Variants in FAM47E observed in about 807,000 individuals in gnomAD.
FAM47E encodes the protein family with sequence similarity 47 member E, also known as protein FAM47E.
In FAM47E, 32 loss-of-function variants were observed where a neutral mutation model predicts 41.6. The observed-to-expected ratio is 0.77, with a 90% CI of 0.58 to 1.03. The LOEUF (loss-of-function observed/expected upper bound fraction) is 1.03, where lower values mean the gene tolerates loss of function less well. Among genes scored for constraint, FAM47E ranks in the 50% least tolerant of loss-of-function variants. The pLI is 0.00. For missense variants in FAM47E, 424 were observed against 485.4 expected (o/e 0.87, Z 1.19); for synonymous variants, 184 against 188.7 (o/e 0.98, Z 0.20).
chr4:76,225,455 T>C (rs1237866624), intron 2 of FAM47E, among the ~76,000 whole-genome samples: 1 of 152,196 alleles, frequency 6.6e-6, no homozygotes, highest in African/African-American at 2.4e-5. Context: ...TGGGCATCCT[T>C]GTCTTGTTCC....
intron 1 of FAM47E, 140 bp from the exon 2 acceptor site, chr4:76,256,038 T>A: frequency 1.1e-6 from 1 of 904,082 alleles, no homozygotes; most frequent in South Asian, 1.8e-5. Flanking sequence ...GCTTCTCCAG[T>A]GAATCCCACT....
upstream of FAM47E, among the ~76,000 whole-genome samples, chr4:76,248,926 C>A (rs1244816914): frequency 6.6e-6 from 1 of 152,072 alleles, no homozygotes; most frequent in African/African-American, 2.4e-5. Context: ...GCCAGGTAAG[C>A]TGGCCATTTC....
intron 2 of FAM47E, among the ~76,000 whole-genome samples, chr4:76,227,556 T>C (rs1733419237): frequency 6.6e-6 from 1 of 152,210 alleles, no homozygotes. Context: ...ATCTGGGGTA[T>C]AGTTTCAGTC....
intron 3 of FAM47E, among the ~76,000 whole-genome samples, chr4:76,265,947 T>TA (rs35666609): frequency 0.088 from 13,326 of 152,198 alleles, 1,048 homozygotes; most frequent in East Asian, 0.43. Flanking sequence ...CATACTCACT[T>TA]AGTCTTTTTC....
At position 76,240,526 on chromosome 4, in the gene FAM47E, G is replaced by A. The variant is rs947875558; in HGVS notation, c.81+22838G>A. On this transcript the variant is annotated intron_variant, in intron 2 of 7. Transcript: ENST00000510197. The stretch of plus-strand genomic sequence containing the variant: ...TCCTCAAGGACTCCCCATAAAGCCT[G>A]TGTGGGGCTGTTTGACGATGTCCTA... Among the ~76,000 whole-genome samples the A allele has an allele frequency of 1.2e-4, 18 of 152,206 alleles. 1 individual carries two copies. In the South Asian group the frequency reaches 1.7e-3, roughly 14 times the overall value.
intron 2 of FAM47E, among the ~76,000 whole-genome samples, chr4:76,220,850 T>C (rs1281313479): frequency 1.3e-5 from 2 of 152,164 alleles, no homozygotes; most frequent in Non-Finnish European, 2.9e-5. Flanking sequence ...AGAAGCAAGA[T>C]TGTACAAGAA....
rs1319237153 is a variant in FAM47E at position 76,237,131 on chromosome 4, G to A, written c.81+19443G>A. On this transcript the variant is annotated intron_variant, in intron 2 of 7. Transcript: ENST00000510197. Reference sequence around the variant, plus strand: ...AGGATGGTCTCGATCTCCTGACCTCGTGATCCACCCGCCCCGGCCTCCCAA... The same window carrying A: ...AGGATGGTCTCGATCTCCTGACCTCATGATCCACCCGCCCCGGCCTCCCAA... Among the ~76,000 whole-genome samples the A allele has an allele frequency of 3.3e-5, 5 of 151,926 alleles. No homozygotes were observed. In the East Asian group the frequency reaches 5.8e-4, roughly 18 times the overall value.
intron 2 of FAM47E, among the ~76,000 whole-genome samples, chr4:76,242,471 A>C (rs931515080): frequency 6.6e-6 from 1 of 152,220 alleles, no homozygotes; most frequent in Admixed American, 6.5e-5. Flanking sequence ...TGAGTCAAAC[A>C]AACCACTTTA....
chr4:76,283,599 G>A lies in FAM47E; in HGVS notation c.*141G>A. On this transcript the variant is annotated 3_prime_UTR_variant, in exon 8 of 8. Transcript: ENST00000424749. ...CTTTGACTTGGCAACATCTGTAAAT[G>A]TAATACCTGATGGTTATAAGCATTT... is the stretch of plus-strand genomic sequence containing the variant. The A allele has an allele frequency of 3.4e-6, 2 of 591,046 alleles. No individual in the cohort carries two copies. Among genetic ancestry groups the A allele is most frequent in the South Asian group, 2.1e-5 (1 of 47,724 alleles). 36.6% of individuals were successfully genotyped at this position (591,046 alleles called of 1,614,324 possible).
chr4:76,229,675 C>T (rs2109984953), intron 2 of FAM47E, among the ~76,000 whole-genome samples: 1 of 152,310 alleles, frequency 6.6e-6, no homozygotes, highest in East Asian at 1.9e-4. Flanking sequence ...TACCTGATTC[C>T]TGTGATGTGA....
intron 1 of FAM47E, among the ~76,000 whole-genome samples, chr4:76,214,844 AAG>A (rs1215079085): frequency 6.6e-6 from 1 of 152,232 alleles, no homozygotes; most frequent in Non-Finnish European, 1.5e-5. Context: ...GGTACTATGC[AAG>A]AGAGTTTTGA....
chr4:76,228,708 T>C (rs1396356911), intron 2 of FAM47E, among the ~76,000 whole-genome samples: 1 of 151,286 alleles, frequency 6.6e-6, no homozygotes, highest in Non-Finnish European at 1.5e-5. Context: ...GAGATTCTGT[T>C]GAGAAACCTG....
intron 2 of FAM47E, among the ~76,000 whole-genome samples, chr4:76,232,515 T>C (rs1733511029): frequency 6.6e-6 from 1 of 152,234 alleles, no homozygotes. Flanking sequence ...AGTTTGGTTT[T>C]CTCTGTGGTT....
chr4:76,242,904 T>A (rs890354233), intron 2 of FAM47E, among the ~76,000 whole-genome samples: 1 of 152,214 alleles, frequency 6.6e-6, no homozygotes, highest in African/African-American at 2.4e-5. Flanking sequence ...GTGGATTGCA[T>A]TATACTTCTA....
At chr4:76,263,968 G>C in intron 3 of FAM47E, 125 bp downstream of exon 3, 1 of 1,402,718 alleles carries the variant, frequency 7.1e-7, no homozygotes, top group Non-Finnish European at 9.5e-7. Flanking sequence ...AGTTCCCAAG[G>C]AAGAGGGAAA....
At chr4:76,238,989 A>T (rs887873436) in intron 2 of FAM47E, among the ~76,000 whole-genome samples, 1 of 152,162 alleles carries the variant, frequency 6.6e-6, no homozygotes, top group African/African-American at 2.4e-5. Context: ...ATAATACAGT[A>T]TTTGCCTTTT....
At chr4:76,272,278 A>G (rs1312757270) in intron 5 of FAM47E, among the ~76,000 whole-genome samples, 9 of 152,334 alleles carry the variant, frequency 5.9e-5, no homozygotes, top group Admixed American at 6.5e-5. Context: ...ATAACATGCC[A>G]TGTTCCAAAG....
Position 76,242,426 on chromosome 4 carries a change from C to G in FAM47E, c.82-21278C>G, listed in dbSNP as rs139152038. Among the ~76,000 whole-genome samples the G allele has an allele frequency of 3.2e-3, 488 of 152,288 alleles. 2 individuals are homozygous for G. The highest frequency in any genetic ancestry group is 0.011 in the African/African-American group (458 of 41,550). ...CTGAGGCCCTTACCAGAAGTAGTTG[C>G]CATTACCATGCTTCCTCTATGGTCT... is the stretch of plus-strand genomic sequence containing the variant. On this transcript the variant is annotated intron_variant, in intron 2 of 7. Transcript: ENST00000510197.
Position 76,237,727 on chromosome 4 carries a change from G to T in FAM47E, c.81+20039G>T, listed in dbSNP as rs1733618391. 2.0e-5 allele frequency among the ~76,000 whole-genome samples: 3 copies of T among 152,178 alleles called. No homozygotes were observed. The South Asian group carries it at 6.2e-4, about 32-fold the overall frequency. On this transcript the variant is annotated intron_variant, in intron 2 of 7. Coordinates refer to the FAM47E transcript ENST00000510197. ...CCTCAGGAAACTCACAGTCATGACA[G>T]AAGGTGAAGGGGGAGCAGGCACATC...
Sources: gnomAD v4.1 joint callset for allele counts (sites outside exome capture counted in the v4.1 genomes callset) on GRCh38, gnomAD v4.1.1 for gene constraint, MANE v1.5 for transcripts, NCBI Gene and HGNC (gene_info 2026-07-23, HGNC 2026-07-21) for gene names.